The following SYNE2 variants were observed in gnomAD, a reference collection of about 807,000 sequenced individuals.
SYNE2 encodes spectrin repeat containing nuclear envelope protein 2.
In SYNE2, 431 loss-of-function variants were observed where a neutral mutation model predicts 856.3. The ratio of observed to expected loss-of-function variants is 0.50; its 90% confidence interval spans 0.47 to 0.55. SYNE2 has a LOEUF of 0.55. SYNE2 is among the 20% of genes least tolerant of loss of function. SYNE2 has a pLI of 0.00. For synonymous variants in SYNE2, 2,923 were observed against 2,872.3 expected, an observed-to-expected ratio of 1.02 and a Z score of -0.56; for missense variants, 8,129 against 8,023.2, an observed-to-expected ratio of 1.01 and a Z score of -0.50.
chr14:63,976,668 G>A lies in SYNE2; in HGVS notation c.1234G>A (p.Ala412Thr), dbSNP rs1364308497. ...AGAGCTTATGGATGAAGATTTGTCA[G>A]CCTCCCAGGATCACTCTCAAGCCGT... ...VEELMDEDLS[A>T]SQDHSQAVTL... The change falls in exon 12 of 116, where the codon GCC becomes ACC. Residue 412 changes from alanine (A) to threonine (T), a missense_variant. Transcript: ENST00000555002. 2 of 1,611,420 alleles carry A rather than the reference G, an allele frequency of 1.2e-6. No homozygotes were observed. The highest frequency in any genetic ancestry group is 1.1e-5 in the South Asian group (1 of 91,014).
At chr14:64,061,514 T>C (rs565246396) in intron 49 of SYNE2, among the ~76,000 whole-genome samples, 3 of 152,358 alleles carry the variant, frequency 2.0e-5, no homozygotes, top group Admixed American at 2.0e-4. Context: ...CCCATATCCT[T>C]GCCAACATTT....
chr14:63,927,818 G>A (rs551179336), intron 2 of SYNE2, among the ~76,000 whole-genome samples: 6 of 150,914 alleles, frequency 4.0e-5, no homozygotes, highest in Non-Finnish European at 4.4e-5. Context: ...CTTGAACCTG[G>A]GAGGCAGAGG....
At chr14:64,057,672 T>G (rs767381820) in intron 49 of SYNE2, among the ~76,000 whole-genome samples, 1 of 152,214 alleles carries the variant, frequency 6.6e-6, no homozygotes, top group Non-Finnish European at 1.5e-5. Context: ...AGCTCTATTT[T>G]TAGTTTTTTT....
At chr14:63,785,903 C>G (rs1367225179) in intron 1 of SYNE2, among the ~76,000 whole-genome samples, 1 of 152,026 alleles carries the variant, frequency 6.6e-6, no homozygotes, top group Non-Finnish European at 1.5e-5. Flanking sequence ...CCCAGGAGTT[C>G]AAGACCAGCC....
In SYNE2 at chr14:64,180,765, A is replaced by G. The variant is rs140169384; in HGVS notation, c.17556+3282A>G. 6.1e-3 allele frequency among the ~76,000 whole-genome samples: 936 copies of G among 152,246 alleles called. 12 individuals are homozygous for G. Among genetic ancestry groups the G allele is most frequent in the African/African-American group, 0.021 (892 of 41,558 alleles). On this transcript the variant is annotated intron_variant, in intron 96 of 115. Transcript: ENST00000555002. ...GTGATCCACCTGCTTTGGCCTCCCA[A>G]AGTGCTGGGATTACAGGCCTGAGCC...
At chr14:64,182,038 C>T (rs2098460478) in intron 96 of SYNE2, among the ~76,000 whole-genome samples, 1 of 152,168 alleles carries the variant, frequency 6.6e-6, no homozygotes, top group African/African-American at 2.4e-5. Context: ...ATATGCAGGT[C>T]AAATTTTATT....
Position 64,143,905 on chromosome 14 carries a change from T to C in SYNE2, c.15440T>C (p.Met5147Thr), listed in dbSNP as rs934080864. Residue 5147 changes from methionine to threonine, a missense_variant, in exon 83 of 116, where the codon ATG (methionine) becomes ACG (threonine). Physicochemically the swap from Met to Thr is moderately conservative, Grantham distance 81. This residue lies in a region of SYNE2 where 5,410 missense variants were observed against 5,284.8 expected (regional missense o/e 1.02). Coordinates refer to ENST00000555002, the MANE Select transcript of SYNE2 (RefSeq NM_182914.3). ...GAGTTTGCAGAGCACCTGGGGGAGA[T>C]GAACCGCCAGTGGCACCGTGTACAT... ...RTEFAEHLGE[M>T]NRQWHRVHGM... 1.2e-6 allele frequency: 2 copies of C among 1,613,996 alleles called. No individual in the cohort carries two copies. Among genetic ancestry groups the C allele is most frequent in the African/African-American group, 2.7e-5 (2 of 74,902 alleles).
intron 65 of SYNE2, 121 bp downstream of exon 65, chr14:64,107,728 A>ACATATCTT: frequency 1.2e-6 from 1 of 845,488 alleles, no homozygotes; most frequent in Non-Finnish European, 2.1e-6. Flanking sequence ...GTGAACTTTA[A>ACATATCTT]CATATGAAGA....
At chr14:64,115,767 G>A (rs995420553) in intron 66 of SYNE2, among the ~76,000 whole-genome samples, 1 of 152,108 alleles carries the variant, frequency 6.6e-6, no homozygotes, top group Admixed American at 6.6e-5. Context: ...ACACAATAAA[G>A]TTATTATTGA....
In SYNE2 at chr14:64,219,364, C is replaced by T. The variant is rs1362525673; in HGVS notation, c.19814C>T (p.Pro6605Leu). Residue 6605 changes from proline to leucine, a missense_variant, in exon 110 of 116, where the codon CCT becomes CTT. This residue lies in a region of SYNE2 where 5,410 missense variants were observed against 5,284.8 expected (regional missense o/e 1.02). Coordinates refer to ENST00000555002, the MANE Select transcript of SYNE2 (RefSeq NM_182914.3). ...AELEMLKMAK[P>L]PSDIQEIELR... ...CTGGAAATGTTAAAGATGGCAAAGC[C>T]TCCCTCTGATATCCAGGAAATAGAA... 1.2e-6 allele frequency: 2 copies of T among 1,613,942 alleles called. No homozygotes were observed. Among genetic ancestry groups the T allele is most frequent in the East Asian group, 2.2e-5 (1 of 44,880 alleles).
intron 99 of SYNE2, among the ~76,000 whole-genome samples, chr14:64,198,501 G>T (rs1487815967): frequency 6.6e-6 from 1 of 152,206 alleles, no homozygotes; most frequent in Non-Finnish European, 1.5e-5. Context: ...GTTACCTGAT[G>T]ATCAGAGGAA....
chr14:63,974,575 T>C (rs1439074009), intron 11 of SYNE2, among the ~76,000 whole-genome samples: 1 of 151,796 alleles, frequency 6.6e-6, no homozygotes, highest in Non-Finnish European at 1.5e-5. Context: ...ATTCTTTTTT[T>C]TGAGATGGAG....
In SYNE2 at chr14:64,021,350, T is replaced by C. The variant is rs116597541; in HGVS notation, c.5187T>C (p.His1729=). The change falls in exon 36 of 116, where the codon CAT becomes CAC. Residue 1729 remains histidine (H), a synonymous_variant. Transcript: ENST00000555002. ...MESSILNKME[H]VQKCLTGESN... ...CCTCTATTTTGAACAAGATGGAACA[T>C]GTACAGAAGTGCTTAACAGGAGAAT... is the stretch of plus-strand genomic sequence containing the variant. 3 of 1,614,026 alleles carry C rather than the reference T, an allele frequency of 1.9e-6. No individual in the cohort carries two copies. Among genetic ancestry groups the C allele is most frequent in the African/African-American group, 1.3e-5 (1 of 74,922 alleles).
rs147990100 is a variant in SYNE2, at chr14:64,044,552, G to C, written c.7222-3448G>C. On this transcript the variant is annotated intron_variant, in intron 45 of 115. Coordinates refer to ENST00000555002, the MANE Select transcript of SYNE2 (RefSeq NM_182914.3). ...GAGGACATGAGATTTGGAGGGGCCA[G>C]ATGCAAAATGGTATGGTTTGGCTGT... 1.7e-3 allele frequency among the ~76,000 whole-genome samples: 258 copies of C among 152,290 alleles called. 2 individuals carry two copies. Among genetic ancestry groups the C allele is most frequent in the African/African-American group, 6.0e-3 (250 of 41,556 alleles).
chr14:63,865,724 C>CAA (rs768960267), intron 1 of SYNE2, among the ~76,000 whole-genome samples: 2,189 of 95,328 alleles, frequency 0.023, 196 homozygotes, highest in African/African-American at 0.087. Context: ...ACCCCCCCCC[C>CAA]AAAAAAAAAG....
intron 31 of SYNE2, 36 bp from the exon 32 acceptor site, chr14:64,009,930 T>C: frequency 1.3e-6 from 2 of 1,595,180 alleles, no homozygotes; most frequent in Non-Finnish European, 1.7e-6. Context: ...TTGCTATTTT[T>C]GGACATTTAG....
At chr14:63,930,044 A>G (rs2095727460) in intron 2 of SYNE2, among the ~76,000 whole-genome samples, 1 of 152,066 alleles carries the variant, frequency 6.6e-6, no homozygotes, top group South Asian at 2.1e-4. Context: ...TAGTGCTTTG[A>G]GAGGCTAAGT....
At chr14:64,131,762 G>A (rs532180430) in intron 76 of SYNE2, among the ~76,000 whole-genome samples, 65 of 152,082 alleles carry the variant, frequency 4.3e-4, no homozygotes, top group African/African-American at 1.5e-3. Context: ...CTATCTTTTT[G>A]TAGCATTTAG....
intron 83 of SYNE2, among the ~76,000 whole-genome samples, chr14:64,145,346 A>G (rs904416818): frequency 6.6e-6 from 1 of 151,950 alleles, no homozygotes; most frequent in Non-Finnish European, 1.5e-5. Context: ...TTGACCTACT[A>G]AAAATACAGA....
Sources: gnomAD v4.1 joint callset for allele counts (sites outside exome capture counted in the v4.1 genomes callset) on GRCh38, gnomAD v4.1.1 for gene constraint, gnomAD v4.1.1 regional missense constraint, MANE v1.5 for transcripts, NCBI Gene and HGNC (gene_info 2026-07-23, HGNC 2026-07-21) for gene names.